SPAG16: variants seen among roughly 807,000 people sequenced by gnomAD.
SPAG16 encodes sperm-associated antigen 16 protein.
Under a neutral mutation model 80.4 loss-of-function variants are expected in SPAG16, and 86 were observed. The observed-to-expected ratio is 1.07, with a 90% CI of 0.90 to 1.28. The LOEUF (loss-of-function observed/expected upper bound fraction) is 1.28. Among genes scored for constraint, SPAG16 ranks in the 50% most tolerant of loss-of-function variants. SPAG16 has a pLI of 0.00. For synonymous variants in SPAG16, 294 were observed against 265.9 expected (o/e 1.11, Z -1.03); for missense variants, 870 against 765.3 (o/e 1.14, Z -1.61).
chr2:213,628,388 C>T (rs933169723), intron 10 of SPAG16, among the ~76,000 whole-genome samples: 3 of 152,196 alleles, frequency 2.0e-5, no homozygotes, highest in African/African-American at 4.8e-5. Flanking sequence ...AAAATTACAG[C>T]TGGTCCTTTG....
intron 9 of SPAG16, among the ~76,000 whole-genome samples, chr2:213,386,041 A>C (rs925390632): frequency 6.6e-6 from 1 of 152,202 alleles, no homozygotes; most frequent in Non-Finnish European, 1.5e-5. Context: ...ACAATTCACA[A>C]ATAACTATCA....
At chr2:213,930,885 T>C (rs2078718642) in intron 12 of SPAG16, among the ~76,000 whole-genome samples, 2 of 152,200 alleles carry the variant, frequency 1.3e-5, no homozygotes, top group Admixed American at 6.5e-5. Flanking sequence ...CTCAGTAGTC[T>C]GTGGTCCTAG....
chr2:213,808,045 G>A (rs1379501054), intron 10 of SPAG16, among the ~76,000 whole-genome samples: 1 of 150,824 alleles, frequency 6.6e-6, no homozygotes, highest in Non-Finnish European at 1.5e-5. Context: ...GAAAGAATGA[G>A]ACACTGGACA....
At chr2:213,696,344 T>A (rs13020757) in intron 10 of SPAG16, among the ~76,000 whole-genome samples, 3 of 152,032 alleles carry the variant, frequency 2.0e-5, no homozygotes, top group African/African-American at 7.2e-5. Context: ...CAATTGGATA[T>A]GTGAGTTTGG....
At chr2:214,127,380 A>G (rs1333334107) in intron 14 of SPAG16, among the ~76,000 whole-genome samples, 3 of 151,736 alleles carry the variant, frequency 2.0e-5, no homozygotes, top group African/African-American at 4.8e-5. Context: ...TACTCCAACA[A>G]TATCACATGC....
intron 14 of SPAG16, among the ~76,000 whole-genome samples, chr2:214,110,996 ATTTG>A (rs2053635399): frequency 6.6e-6 from 1 of 151,516 alleles, no homozygotes; most frequent in African/African-American, 2.4e-5. Context: ...TTCCTAGTAA[ATTTG>A]TTTGAGTTCT....
At chr2:213,991,036 A>G (rs1311082764) in intron 12 of SPAG16, among the ~76,000 whole-genome samples, 1 of 151,664 alleles carries the variant, frequency 6.6e-6, no homozygotes, top group Non-Finnish European at 1.5e-5. Context: ...TTAAGTTCTG[A>G]GGTACATGTG....
At chr2:213,736,704 T>TG (rs1414789784) in intron 10 of SPAG16, among the ~76,000 whole-genome samples, 1 of 69,604 alleles carries the variant, frequency 1.4e-5, no homozygotes, top group Non-Finnish European at 3.4e-5. Context: ...TATTTTTAAA[T>TG]AATTTTTTTT....
At chr2:213,336,559 G>C (rs368571374) in intron 5 of SPAG16, among the ~76,000 whole-genome samples, 1 of 152,234 alleles carries the variant, frequency 6.6e-6, no homozygotes, top group Non-Finnish European at 1.5e-5. Flanking sequence ...GTAGGTGCCA[G>C]TGAGACTGGG....
At chr2:213,689,528 CTTTTTTTTTTTTT>C (rs397873153) in intron 10 of SPAG16, among the ~76,000 whole-genome samples, 1 of 54,240 alleles carries the variant, frequency 1.8e-5, no homozygotes, top group Non-Finnish European at 3.2e-5. Flanking sequence ...AGTGCTGGGG[CTTTTTTTTTTTTT>C]TTTTTTTTTT....
At chr2:214,094,959 G>C (rs72937950) in intron 13 of SPAG16, among the ~76,000 whole-genome samples, 4 of 151,576 alleles carry the variant, frequency 2.6e-5, no homozygotes. Flanking sequence ...AAACTTTTGA[G>C]AGGACTTGGG....
intron 10 of SPAG16, among the ~76,000 whole-genome samples, chr2:213,588,376 T>C (rs1295993317): frequency 6.6e-6 from 1 of 152,168 alleles, no homozygotes; most frequent in East Asian, 1.9e-4. Flanking sequence ...TCTATAGTAA[T>C]TTAATATGAC....
At chr2:214,358,773 G>A (rs765669831) in intron 15 of SPAG16, among the ~76,000 whole-genome samples, 8 of 151,806 alleles carry the variant, frequency 5.3e-5, no homozygotes, top group African/African-American at 9.7e-5. Context: ...AGTTAGAAAG[G>A]GAGAACAGGA....
intron 10 of SPAG16, among the ~76,000 whole-genome samples, chr2:213,681,509 TGA>T (rs1191931993): frequency 2.0e-5 from 3 of 152,188 alleles, no homozygotes; most frequent in African/African-American, 7.2e-5. Flanking sequence ...CAAAGAGATC[TGA>T]TGATCTCTTT....
chr2:213,823,988 A>G (rs148516452), intron 10 of SPAG16, among the ~76,000 whole-genome samples: 27 of 152,296 alleles, frequency 1.8e-4, no homozygotes, highest in African/African-American at 6.0e-4. Context: ...GTCTTTGCCC[A>G]TGCCTATGTC....
At chr2:214,370,933 C>T (rs998117820) in intron 15 of SPAG16, among the ~76,000 whole-genome samples, 34 of 152,196 alleles carry the variant, frequency 2.2e-4, no homozygotes, top group African/African-American at 8.0e-4. Flanking sequence ...TATACTATCC[C>T]TAAACTTCTT....
At chr2:214,241,907 G>C (rs1472036053) in intron 15 of SPAG16, among the ~76,000 whole-genome samples, 2 of 151,798 alleles carry the variant, frequency 1.3e-5, no homozygotes, top group African/African-American at 4.8e-5. Context: ...AAAAAATTCT[G>C]ATGGTCAGAG....
chr2:213,783,042 C>T (rs7557148), intron 10 of SPAG16, among the ~76,000 whole-genome samples: 1,549 of 120,222 alleles, frequency 0.013, 40 homozygotes, highest in African/African-American at 0.046. Context: ...TGCTATCCCT[C>T]CCCCCTCCCC....
At chr2:214,219,410 C>A (rs1188559243) in intron 15 of SPAG16, among the ~76,000 whole-genome samples, 1 of 151,898 alleles carries the variant, frequency 6.6e-6, no homozygotes, top group African/African-American at 2.4e-5. Flanking sequence ...AGAATAGAAA[C>A]AACTTATCAA....
Sources: allele counts gnomAD v4.1 joint callset (sites outside exome capture counted in the v4.1 genomes callset), GRCh38; gene constraint gnomAD v4.1.1; transcripts MANE v1.5; gene names NCBI Gene and HGNC (gene_info 2026-07-23, HGNC 2026-07-21).